Variants in RGMB observed in about 807,000 individuals in gnomAD.
RGMB encodes the protein repulsive guidance molecule B.
A neutral mutation model predicts 26.9 loss-of-function variants in RGMB; 16 were observed. That is an observed-to-expected ratio of 0.60 (90% CI 0.40 to 0.90). The LOEUF (loss-of-function observed/expected upper bound fraction) is 0.90, where lower values mean the gene tolerates loss of function less well. Among genes scored for constraint, RGMB ranks in the 40% least tolerant of loss-of-function variants. The probability of loss-of-function intolerance (pLI) is 0.00; values close to 1 mark genes in which losing one functional copy is unlikely to be tolerated. For missense variants in RGMB, 512 were observed against 573.3 expected, an observed-to-expected ratio of 0.89 and a Z score of 1.09; for synonymous variants, 225 against 229.3, an observed-to-expected ratio of 0.98 and a Z score of 0.17.
At chr5:98,776,815 T>C (rs1429459372) in intron 1 of RGMB, among the ~76,000 whole-genome samples, 1 of 152,190 alleles carries the variant, frequency 6.6e-6, no homozygotes, top group African/African-American at 2.4e-5. Flanking sequence ...GGCCGGGCGC[T>C]GTGGCTCACG....
At chr5:98,774,552 T>G (rs902256796) in intron 1 of RGMB, among the ~76,000 whole-genome samples, 1 of 152,146 alleles carries the variant, frequency 6.6e-6, no homozygotes, top group African/African-American at 2.4e-5. Flanking sequence ...TCTGCGCTGG[T>G]GTTTACTGAA....
intron 1 of RGMB, among the ~76,000 whole-genome samples, chr5:98,776,565 C>A (rs1355902850): frequency 6.6e-6 from 1 of 151,668 alleles, no homozygotes; most frequent in African/African-American, 2.4e-5. Context: ...GTTATAAATT[C>A]ATGAAGCCTG....
At chr5:98,771,726 G>C (rs775149039), upstream of RGMB, 1 of 152,180 alleles carries the variant, frequency 6.6e-6, no homozygotes, top group Non-Finnish European at 1.5e-5. Flanking sequence ...AATGACTCGA[G>C]GACGCCCTCT....
chr5:98,769,426 C>T (rs1746076796), upstream of RGMB: 1 of 152,438 alleles, frequency 6.6e-6, no homozygotes, highest in South Asian at 2.1e-4. Flanking sequence ...CAGCTCCTCT[C>T]CCAGAGCTCA....
chr5:98,773,885 TGGCTGCGCC>T lies in RGMB; in HGVS notation c.-177_-169del, dbSNP rs903318370. On this transcript the variant is annotated 5_prime_UTR_variant, in exon 1 of 3. Coordinates refer to ENST00000513185, the MANE Select transcript of RGMB (RefSeq NM_001366508.1). The stretch of plus-strand genomic sequence containing the variant: ...GCGCCCCGCTGCTGCCGCCGCGGAC[TGGCTGCGCC>T]GGCTGCGCGCTGCTTGCTGCGGCGG... 46 of 511,138 alleles carry T rather than the reference TGGCTGCGCC, an allele frequency of 9.0e-5. No homozygotes were observed. The highest frequency in any genetic ancestry group is 1.4e-4 in the Non-Finnish European group (41 of 293,188). 31.7% of individuals were successfully genotyped at this position (511,138 alleles called of 1,614,324 possible).
At chr5:98,782,922 G>A (rs1266410220) in intron 2 of RGMB, among the ~76,000 whole-genome samples, 2 of 152,126 alleles carry the variant, frequency 1.3e-5, no homozygotes, top group Non-Finnish European at 1.5e-5. Flanking sequence ...GAAGTCACCC[G>A]GGGCCATATA....
upstream of RGMB, chr5:98,771,062 C>A (rs546795423): frequency 5.3e-6 from 1 of 187,254 alleles, no homozygotes; most frequent in East Asian, 1.3e-4. Context: ...AATGAAACTG[C>A]ATCTTGTTTA....
In RGMB at chr5:98,793,746, T is replaced by C. The variant is rs756660945; in HGVS notation, c.1307T>C (p.Phe436Ser). 6.4e-7 allele frequency: 1 copy of C among 1,558,778 alleles called. No individual in the cohort carries two copies. The highest frequency in any genetic ancestry group is 1.4e-5 in the African/African-American group (1 of 73,330). The part of the protein sequence containing the change: ...LGLTCLILIV[F>S]L ...CTCACCTGCTTGATCCTTATCGTGTTTTTGTAGGGGTTGTCTTTTGTTTTG... is the reference window on the plus strand; with the variant it reads ...CTCACCTGCTTGATCCTTATCGTGTCTTTGTAGGGGTTGTCTTTTGTTTTG... Residue 436 changes from phenylalanine to serine, a missense_variant, in exon 3 of 3, where the codon TTT (phenylalanine) becomes TCT (serine). Coordinates refer to ENST00000513185, the MANE Select transcript of RGMB (RefSeq NM_001366508.1).
rs1042710452 is a variant in RGMB, at chr5:98,796,345, C to G, written c.*2592C>G. The G allele has an allele frequency of 4.9e-5, 7 of 143,130 alleles. 1 individual carries two copies. The highest frequency in any genetic ancestry group is 3.9e-4 in the East Asian group (2 of 5,098). 8.9% of individuals were successfully genotyped at this position (143,130 alleles called of 1,614,324 possible). On this transcript the variant is annotated 3_prime_UTR_variant, in exon 3 of 3. Coordinates refer to ENST00000513185, the MANE Select transcript of RGMB (RefSeq NM_001366508.1). ...TGTTATGCTTGGAAGCTCCCCCCCC[C>G]CCAACAGTGTGTCGAGTCTTTGCAA...
At position 98,793,446 on chromosome 5, in the gene RGMB, G is replaced by A; in HGVS notation, c.1007G>A (p.Ser336Asn). Residue 336 changes from serine to asparagine, a missense_variant, in exon 3 of 3, where the codon AGC (serine) becomes AAC (asparagine). By Grantham distance (46) the Ser-to-Asn change is conservative. Transcript: ENST00000513185. The stretch of plus-strand genomic sequence containing the variant: ...CAGGTGTCTGCCATCCTGGGACACA[G>A]CCTGCCTCGCACCTCCTTGGTGCAG... ...QGQVSAILGH[S>N]LPRTSLVQAW... 6.2e-7 allele frequency: 1 copy of A among 1,612,304 alleles called. No individual in the cohort carries two copies. Among genetic ancestry groups the A allele is most frequent in the African/African-American group, 1.3e-5 (1 of 75,002 alleles).
At chr5:98,784,750 T>C (rs895235898) in intron 2 of RGMB, among the ~76,000 whole-genome samples, 5 of 152,256 alleles carry the variant, frequency 3.3e-5, no homozygotes, top group African/African-American at 1.2e-4. Context: ...AGCATCTTTA[T>C]GGAAACCATG....
chr5:98,795,369 G>GT lies in RGMB; in HGVS notation c.*1617dup, dbSNP rs1401370701. On this transcript the variant is annotated 3_prime_UTR_variant, in exon 3 of 3. Transcript: ENST00000513185. ...TTCTCCAGGTAGTTACTTTTGCCAT[G>GT]TCCTATTGATCAGTGACACTGCCAG... is the stretch of plus-strand genomic sequence containing the variant. 3.9e-4 allele frequency: 60 copies of GT among 152,308 alleles called. No individual in the cohort carries two copies. Among genetic ancestry groups the GT allele is most frequent in the African/African-American group, 1.4e-3 (59 of 41,566 alleles). The allele number at this position is 152,308 out of a possible 1,614,324, so 9.4% of individuals were successfully genotyped here.
In RGMB at chr5:98,775,590, G is replaced by C. The variant is rs530897201; in HGVS notation, c.136+1384G>C. ...AATGGAAATTGTGCTAGGTGGGATT[G>C]TGTCCCCCTTGGCTGCTTGGATATT... On this transcript the variant is annotated intron_variant, in intron 1 of 2. Transcript: ENST00000513185. Among the ~76,000 whole-genome samples, 5 of 152,324 alleles carry C rather than the reference G, an allele frequency of 3.3e-5. No individual in the cohort carries two copies. In the South Asian group the frequency reaches 1.0e-3, roughly 32 times the overall value.
intron 1 of RGMB, 102 bp from the exon 2 acceptor site, chr5:98,779,478 A>G: frequency 3.3e-6 from 4 of 1,219,592 alleles, no homozygotes; most frequent in East Asian, 2.4e-5. Flanking sequence ...TACAGTGTAT[A>G]AAATAGAACA....
intron 2 of RGMB, among the ~76,000 whole-genome samples, chr5:98,791,503 G>A (rs140054621): frequency 1.3e-5 from 2 of 151,986 alleles, no homozygotes; most frequent in Non-Finnish European, 2.9e-5. Context: ...GGGGAGGGGG[G>A]TGCATTTTCT....
chr5:98,791,772 G>T (rs1394530415), intron 2 of RGMB, among the ~76,000 whole-genome samples: 3 of 151,944 alleles, frequency 2.0e-5, no homozygotes, highest in African/African-American at 7.3e-5. Context: ...AGCAGCCCCT[G>T]TCTTATCATA....
chr5:98,770,607 G>C, upstream of RGMB: 2 of 1,342,644 alleles, frequency 1.5e-6, no homozygotes, highest in Non-Finnish European at 1.9e-6. Context: ...GGTCCTGCGT[G>C]TTCCGAAGTT....
chr5:98,788,480 A>C (rs1248433261), intron 2 of RGMB, among the ~76,000 whole-genome samples: 1 of 152,188 alleles, frequency 6.6e-6, no homozygotes, highest in Non-Finnish European at 1.5e-5. Flanking sequence ...TTTTTTCTTA[A>C]ATATGGCATA....
At position 98,793,695 on chromosome 5, in the gene RGMB, G is replaced by T. The variant is rs572738199; in HGVS notation, c.1256G>T (p.Gly419Val). 1.2e-6 allele frequency: 2 copies of T among 1,610,782 alleles called. No homozygotes were observed. The highest frequency in any genetic ancestry group is 4.5e-5 in the East Asian group (2 of 44,800). The change falls in exon 3 of 3, where the codon GGC becomes GTC. Residue 419 changes from glycine to valine, a missense_variant. Coordinates refer to ENST00000513185, the MANE Select transcript of RGMB (RefSeq NM_001366508.1). ...AGTGGCAATGGGACTCCCCGTGGAG[G>T]CAGTGATTTGTCTGTCAGTCTAGGA... ...PSSGNGTPRG[G>V]SDLSVSLGLT...
Sources: allele counts gnomAD v4.1 joint callset (sites outside exome capture counted in the v4.1 genomes callset), GRCh38; gene constraint gnomAD v4.1.1; transcripts MANE v1.5; gene names NCBI Gene and HGNC (gene_info 2026-07-23, HGNC 2026-07-21).